Variants in NOMO1 observed in about 807,000 individuals in gnomAD.
NOMO1 encodes NODAL modulator 1, also known as nodal modulator 3.
In NOMO1, 40 loss-of-function variants were observed where a neutral mutation model predicts 133.8. The ratio of observed to expected loss-of-function variants is 0.30; its 90% confidence interval spans 0.23 to 0.39. The LOEUF (loss-of-function observed/expected upper bound fraction) is 0.39. Ranked by LOEUF, NOMO1 falls within the 10% of genes least tolerant of loss-of-function variation. The pLI is 1.00. For missense variants in NOMO1, 462 were observed against 1,419.9 expected (o/e 0.33, Z 10.84); for synonymous variants, 236 against 570.5 (o/e 0.41, Z 8.36).
At chr16:14,867,843 C>G (rs1008860795) in intron 15 of NOMO1, among the ~76,000 whole-genome samples, 3 of 145,134 alleles carry the variant, frequency 2.1e-5, no homozygotes, top group African/African-American at 5.0e-5. Flanking sequence ...ATTTAGGAAA[C>G]CTTTCCCTTC....
chr16:14,889,236 A>T, intron 29 of NOMO1, 21 bp downstream of exon 29: 1 of 1,611,518 alleles, frequency 6.2e-7, no homozygotes, highest in Non-Finnish European at 8.5e-7. Context: ...GAGGGAGTTA[A>T]AAAAAAACCC....
At chr16:14,886,893 C>T in intron 28 of NOMO1, 31 bp downstream of exon 28, 1 of 1,609,874 alleles carries the variant, frequency 6.2e-7, no homozygotes, top group Non-Finnish European at 8.5e-7. Flanking sequence ...CTACCTTCTG[C>T]CTTTGTTTTA....
At chr16:14,887,536 G>A (rs1475773419) in intron 28 of NOMO1, among the ~76,000 whole-genome samples, 5 of 151,228 alleles carry the variant, frequency 3.3e-5, no homozygotes, top group African/African-American at 7.3e-5. Flanking sequence ...TCCTGACCTC[G>A]TGATCCACCT....
At position 14,881,622 on chromosome 16, in the gene NOMO1, C is replaced by G; in HGVS notation, c.2964C>G (p.Cys988Trp). The G allele has an allele frequency of 6.2e-7, 1 of 1,610,854 alleles. No homozygotes were observed. Among genetic ancestry groups the G allele is most frequent in the Non-Finnish European group, 8.5e-7 (1 of 1,179,506 alleles). Residue 988 changes from cysteine (C) to tryptophan (W), a missense_variant, in exon 25 of 31, where the codon TGC (cysteine) becomes TGG (tryptophan). Physicochemically the swap from Cys to Trp is radical, Grantham distance 215. Coordinates refer to ENST00000287667, the MANE Select transcript of NOMO1 (RefSeq NM_014287.4). The part of the protein sequence containing the change: ...VAMEAVGQND[C>W]SIYGEDTVTD... ...TGGAAGCGGTGGGCCAGAACGACTGCAGCATTTACGGAGAAGACACCGTGA... is the reference window on the plus strand; with the variant it reads ...TGGAAGCGGTGGGCCAGAACGACTGGAGCATTTACGGAGAAGACACCGTGA...
At chr16:14,871,299 G>A (rs1964077401) in intron 16 of NOMO1, among the ~76,000 whole-genome samples, 1 of 151,214 alleles carries the variant, frequency 6.6e-6, no homozygotes, top group Non-Finnish European at 1.5e-5. Context: ...CCAATTTGCA[G>A]TAGAAACGTA....
chr16:14,869,935 G>A (rs558689289), intron 16 of NOMO1, among the ~76,000 whole-genome samples: 1 of 150,930 alleles, frequency 6.6e-6, no homozygotes, highest in Admixed American at 6.6e-5. Context: ...TAGTCATCTT[G>A]GTAGATGTGA....
intron 2 of NOMO1, 133 bp downstream of exon 2, chr16:14,838,629 T>C: frequency 1.2e-6 from 1 of 805,042 alleles, no homozygotes; most frequent in Non-Finnish European, 2.0e-6. Context: ...ATGATAATCC[T>C]AGCCACATTT....
chr16:14,866,829 C>T (rs542376298), intron 15 of NOMO1, 138 bp downstream of exon 15: 51 of 1,575,518 alleles, frequency 3.2e-5, no homozygotes, highest in Middle Eastern at 2.3e-4. Context: ...CCACCTGTTA[C>T]GCAACGCATA....
Position 14,841,359 on chromosome 16 carries a change from T to TAAA in NOMO1, c.256-2_256-1insAAA. 1 of 654,518 alleles carries TAAA rather than the reference T, an allele frequency of 1.5e-6. No individual in the cohort carries two copies. The highest frequency in any genetic ancestry group is 2.5e-5 in the Admixed American group (1 of 39,952). 40.5% of individuals were successfully genotyped at this position (654,518 alleles called of 1,614,324 possible). A position where few individuals can be genotyped will look rare whatever the true frequency, so the allele number is the denominator to read the frequency against. ...AAATTACATTTTCTTTTTTTCCTTT[T>TAAA]AGGGGGATTTCATTCTGAAGATTGA... On this transcript the variant is annotated splice_polypyrimidine_tract_variant and splice_region_variant and intron_variant, in intron 2 of 30. Coordinates refer to ENST00000287667, the MANE Select transcript of NOMO1 (RefSeq NM_014287.4).
At chr16:14,894,928 C>T (rs1964461568) in intron 29 of NOMO1, 70 bp from the exon 30 acceptor site, 1 of 1,611,424 alleles carries the variant, frequency 6.2e-7, no homozygotes, top group African/African-American at 1.3e-5. Context: ...TGGGTGGTGG[C>T]TGTGGCATTG....
chr16:14,876,840 CAT>C lies in NOMO1; in HGVS notation c.2643+54_2643+55del, dbSNP rs560003686. Reference sequence around the variant, plus strand: ...GGCAGTTATACTGAGGTATAATTAACATATAATAAACTGCACAAAAAGGGTAC... The same window carrying C: ...GGCAGTTATACTGAGGTATAATTAACATAATAAACTGCACAAAAAGGGTAC... On this transcript the variant is annotated intron_variant, in intron 22 of 30. Coordinates refer to ENST00000287667, the MANE Select transcript of NOMO1 (RefSeq NM_014287.4). 3.2e-4 allele frequency: 518 copies of C among 1,602,064 alleles called. 4 individuals are homozygous for C. The African/African-American group carries it at 5.9e-3, about 18-fold the overall frequency.
chr16:14,889,598 A>C (rs955431486), intron 29 of NOMO1, among the ~76,000 whole-genome samples: 3 of 151,972 alleles, frequency 2.0e-5, no homozygotes, highest in Non-Finnish European at 4.4e-5. Context: ...AGGCATGTCC[A>C]TACAACCTGT....
In NOMO1 at chr16:14,875,222, C is replaced by T; in HGVS notation, c.2241C>T (p.Gly747=). The change falls in exon 19 of 31, where the codon GGC becomes GGT. Residue 747 remains glycine (G), a synonymous_variant. Coordinates refer to ENST00000287667, the MANE Select transcript of NOMO1 (RefSeq NM_014287.4). ...PVQEMVDELQ[G]PFSYDFSYWA... ...AGGAGATGGTAGATGAGTTACAAGG[C>T]CCCTTCTCGTATGATTTCTCTTACT... 1 of 1,612,664 alleles carries T rather than the reference C, an allele frequency of 6.2e-7. No individual in the cohort carries two copies. The highest frequency in any genetic ancestry group is 2.2e-5 in the East Asian group (1 of 44,862).
In NOMO1 at chr16:14,866,560, A is replaced by G. The variant is rs1963998465; in HGVS notation, c.1675A>G (p.Ile559Val). ...NVLPGKYKISIMHEDWCWKNK... is the reference protein window; with the variant it reads ...NVLPGKYKISVMHEDWCWKNK... ...TTTGGTGTTTGCTTTTGCAGTAAGC[A>G]TCATGCATGAGGATTGGTGCTGGAA... is the stretch of plus-strand genomic sequence containing the variant. Residue 559 changes from isoleucine (I) to valine (V), a missense_variant, in exon 15 of 31, where the codon ATC becomes GTC. Ile to Val is a conservative substitution (Grantham distance 29). Coordinates refer to ENST00000287667, the MANE Select transcript of NOMO1 (RefSeq NM_014287.4). 1.2e-6 allele frequency: 2 copies of G among 1,610,148 alleles called. No homozygotes were observed. The highest frequency in any genetic ancestry group is 4.5e-5 in the East Asian group (2 of 44,524).
At chr16:14,894,208 G>A (rs995074164) in intron 29 of NOMO1, among the ~76,000 whole-genome samples, 9 of 152,134 alleles carry the variant, frequency 5.9e-5, no homozygotes, top group Admixed American at 4.6e-4. Flanking sequence ...GCTCCAAGGC[G>A]TCAGGGGACC....
At chr16:14,851,382 C>T (rs1963757302) in intron 6 of NOMO1, among the ~76,000 whole-genome samples, 2 of 151,680 alleles carry the variant, frequency 1.3e-5, no homozygotes, top group Admixed American at 1.3e-4. Context: ...AATCTGTACA[C>T]TTTTCTCTGT....
rs564189626 is a variant in NOMO1 at position 14,860,755 on chromosome 16, T to C, written c.1221-2258T>C. On this transcript the variant is annotated intron_variant, in intron 11 of 30. Transcript: ENST00000287667. ...AGTATTTGGGTCAAAGAAAGAAAAA[T>C]AGCATTTGTTGAACATTTTTGGAAA... 3.1e-3 allele frequency among the ~76,000 whole-genome samples: 476 copies of C among 152,128 alleles called. 3 individuals are homozygous for C. The highest frequency in any genetic ancestry group is 0.011 in the African/African-American group (445 of 41,430).
intron 9 of NOMO1, among the ~76,000 whole-genome samples, chr16:14,854,379 A>C (rs1458124096): frequency 0.013 from 1,633 of 122,676 alleles, 50 homozygotes; most frequent in African/African-American, 0.048. Context: ...GTGTGGCTCA[A>C]GCTGGAGTGC....
chr16:14,854,224 A>G (rs1295312331), intron 9 of NOMO1, among the ~76,000 whole-genome samples, 198 bp downstream of exon 9: 1 of 113,342 alleles, frequency 8.8e-6, no homozygotes, highest in Non-Finnish European at 1.8e-5. Flanking sequence ...TACTCATTCA[A>G]TGAAATATAT....
Sources: gnomAD v4.1 joint callset for allele counts (sites outside exome capture counted in the v4.1 genomes callset) on GRCh38, gnomAD v4.1.1 for gene constraint, MANE v1.5 for transcripts, NCBI Gene and HGNC (gene_info 2026-07-23, HGNC 2026-07-21) for gene names.